The following PPP1R9A variants were observed in gnomAD, a reference collection of about 807,000 sequenced individuals.
PPP1R9A encodes neurabin-1.
A neutral mutation model predicts 141.9 loss-of-function variants in PPP1R9A; 59 were observed. That is an observed-to-expected ratio of 0.42 (90% CI 0.34 to 0.52). The LOEUF is 0.52. Among genes scored for constraint, PPP1R9A ranks in the 20% least tolerant of loss-of-function variants. The probability of loss-of-function intolerance (pLI) is 0.10; values close to 1 mark genes in which losing one functional copy is unlikely to be tolerated. For synonymous variants in PPP1R9A, 500 were observed against 569.7 expected (o/e 0.88, Z 1.74); for missense variants, 1,444 against 1,611.9 (o/e 0.90, Z 1.78).
intron 2 of PPP1R9A, among the ~76,000 whole-genome samples, chr7:95,054,711 TG>T (rs1178874536): frequency 2.6e-5 from 4 of 152,176 alleles, no homozygotes; most frequent in African/African-American, 9.6e-5. Context: ...CTTTCTTGAC[TG>T]GTCTAGGTTT....
chr7:94,993,430 A>G (rs1801767143), intron 2 of PPP1R9A, among the ~76,000 whole-genome samples: 1 of 152,176 alleles, frequency 6.6e-6, no homozygotes, highest in Non-Finnish European at 1.5e-5. Flanking sequence ...CAATTTATAC[A>G]AAAGAGCCTG....
chr7:94,944,096 G>C (rs1795625614), intron 2 of PPP1R9A, among the ~76,000 whole-genome samples: 1 of 152,058 alleles, frequency 6.6e-6, no homozygotes, highest in African/African-American at 2.4e-5. Flanking sequence ...AATCCCTAGT[G>C]ATCAAATCAG....
intron 2 of PPP1R9A, among the ~76,000 whole-genome samples, chr7:94,999,995 G>A (rs1802692450): frequency 6.6e-6 from 1 of 151,862 alleles, no homozygotes; most frequent in South Asian, 2.1e-4. Flanking sequence ...TAGAGATAGG[G>A]TTTCACCATG....
Position 95,068,730 on chromosome 7 carries a change from G to A in PPP1R9A, c.1396-42529G>A, listed in dbSNP as rs901207477. Among the ~76,000 whole-genome samples, 13 of 152,144 alleles carry A rather than the reference G, an allele frequency of 8.5e-5. No individual in the cohort carries two copies. The East Asian group carries it at 2.3e-3, about 27-fold the overall frequency. The stretch of plus-strand genomic sequence containing the variant: ...CTCAGCATCCCTGTGGTGGATAGTG[G>A]GCTGTAGGACCAAGGAAGGCTAGAA... On this transcript the variant is annotated intron_variant, in intron 2 of 19. Transcript: ENST00000433360.
intron 2 of PPP1R9A, among the ~76,000 whole-genome samples, chr7:94,939,752 T>A (rs1795128988): frequency 6.6e-6 from 1 of 151,200 alleles, no homozygotes; most frequent in Admixed American, 6.6e-5. Context: ...TATAATGTTA[T>A]GACAGGGACA....
intron 2 of PPP1R9A, among the ~76,000 whole-genome samples, chr7:95,081,531 A>G (rs946549031): frequency 6.6e-6 from 1 of 152,190 alleles, no homozygotes; most frequent in Non-Finnish European, 1.5e-5. Flanking sequence ...GACAGTGAAC[A>G]AATGAAGGTA....
At position 95,290,433 on chromosome 7, in the gene PPP1R9A, CTG is replaced by C. The variant is rs1806202396; in HGVS notation, c.*136_*137del. On this transcript the variant is annotated 3_prime_UTR_variant, in exon 20 of 20. Coordinates refer to ENST00000433360, the MANE Select transcript of PPP1R9A (RefSeq NM_001166160.2). ...ATGCGGCTCTAGGCCGGCTGAGGAA[CTG>C]TGTGTTGAATAACTGCATTTTCTGC... 9.5e-7 allele frequency: 1 copy of C among 1,056,638 alleles called. No homozygotes were observed. Among genetic ancestry groups the C allele is most frequent in the Non-Finnish European group, 1.3e-6 (1 of 747,550 alleles). The allele number at this position is 1,056,638 out of a possible 1,614,324, so 65.5% of individuals were successfully genotyped here. A position where few individuals can be genotyped will look rare whatever the true frequency, so the allele number is the denominator to read the frequency against.
chr7:94,960,403 T>C (rs2151115821), intron 2 of PPP1R9A, among the ~76,000 whole-genome samples: 1 of 151,694 alleles, frequency 6.6e-6, no homozygotes, highest in East Asian at 1.9e-4. Context: ...AAATAAGAGT[T>C]CTCTTAAAAA....
At chr7:95,151,577 C>T (rs1828681702) in intron 4 of PPP1R9A, among the ~76,000 whole-genome samples, 2 of 151,882 alleles carry the variant, frequency 1.3e-5, no homozygotes, top group Admixed American at 6.6e-5. Context: ...TGTCAAAACC[C>T]GTAGAATGTG....
intron 5 of PPP1R9A, among the ~76,000 whole-genome samples, chr7:95,167,888 A>G (rs897070595): frequency 2.6e-5 from 4 of 152,154 alleles, no homozygotes; most frequent in Non-Finnish European, 5.9e-5. Flanking sequence ...ACTGATGAAA[A>G]AAATTGAAGA....
chr7:94,917,581 T>A (rs1282481034), intron 2 of PPP1R9A, among the ~76,000 whole-genome samples: 1 of 151,456 alleles, frequency 6.6e-6, no homozygotes, highest in Non-Finnish European at 1.5e-5. Flanking sequence ...ATTATTTTTT[T>A]TTTTTTTGTA....
At chr7:94,969,050 T>C (rs542880207) in intron 2 of PPP1R9A, among the ~76,000 whole-genome samples, 1 of 152,240 alleles carries the variant, frequency 6.6e-6, no homozygotes, top group East Asian at 1.9e-4. Context: ...TCTAACCTTT[T>C]TTCAAAGTTC....
At chr7:95,168,682 G>A (rs1831645557) in intron 5 of PPP1R9A, among the ~76,000 whole-genome samples, 1 of 151,838 alleles carries the variant, frequency 6.6e-6, no homozygotes, top group South Asian at 2.1e-4. Context: ...GGAACTCAAA[G>A]CAACAGTAAA....
intron 2 of PPP1R9A, among the ~76,000 whole-genome samples, chr7:95,109,928 AG>A (rs937470367): frequency 1.3e-5 from 2 of 152,116 alleles, no homozygotes; most frequent in Admixed American, 6.5e-5. Flanking sequence ...GATAAATAAA[AG>A]CACTAACCCT....
intron 2 of PPP1R9A, among the ~76,000 whole-genome samples, chr7:94,913,142 T>A (rs1216660111): frequency 6.6e-6 from 1 of 152,192 alleles, no homozygotes; most frequent in African/African-American, 2.4e-5. Context: ...TAGCAGCTTA[T>A]GAAAATTTAT....
chr7:95,151,941 C>CTTTTTTTTTTTTTTTTTTTTTTTTTTT lies in PPP1R9A; in HGVS notation c.1650-9923_1650-9897dup, dbSNP rs1167382285. Among the ~76,000 whole-genome samples the CTTTTTTTTTTTTTTTTTTTTTTTTTTT allele has an allele frequency of 7.3e-5, 4 of 54,448 alleles. 1 individual carries two copies. The highest frequency in any genetic ancestry group is 2.3e-4 in the African/African-American group (3 of 13,064). The allele number at this position is 54,448 out of a possible 152,430, so 35.7% of individuals were successfully genotyped here. A position where few individuals can be genotyped will look rare whatever the true frequency, so the allele number is the denominator to read the frequency against. ...AATGTCAGCACATAGTACTGAGAAT[C>CTTTTTTTTTTTTTTTTTTTTTTTTTTT]TTTTTTTTTTTTTTTTTTTTTTTTT... is the stretch of plus-strand genomic sequence containing the variant. On this transcript the variant is annotated intron_variant, in intron 4 of 19. Coordinates refer to ENST00000433360, the MANE Select transcript of PPP1R9A (RefSeq NM_001166160.2).
rs775737709 is a variant in PPP1R9A at position 95,054,885 on chromosome 7, CT to C, written c.1396-56372del. Among the ~76,000 whole-genome samples, 536 of 151,390 alleles carry C rather than the reference CT, an allele frequency of 3.5e-3. 4 individuals are homozygous for C. Among genetic ancestry groups the C allele is most frequent in the Non-Finnish European group, 4.1e-3 (280 of 67,738 alleles). On this transcript the variant is annotated intron_variant, in intron 2 of 19. Coordinates refer to ENST00000433360, the MANE Select transcript of PPP1R9A (RefSeq NM_001166160.2). ...CTCATTCATTACCCTACTTCCAGTGCTTAGCACAGGGCCTATTTGTAATGTT... is the reference window on the plus strand; with the variant it reads ...CTCATTCATTACCCTACTTCCAGTGCTAGCACAGGGCCTATTTGTAATGTT...
In PPP1R9A at chr7:94,910,559, G is replaced by C. The variant is rs1438232029; in HGVS notation, c.446G>C (p.Ser149Thr). The C allele has an allele frequency of 1.2e-6, 2 of 1,614,210 alleles. No individual in the cohort carries two copies. The highest frequency in any genetic ancestry group is 2.2e-5 in the East Asian group (1 of 44,872). Reference protein sequence around the residue: ...FTETRKMFERSVHESGQNNRY... With the variant: ...FTETRKMFERTVHESGQNNRY... ...GAGACTCGAAAGATGTTTGAGAGAA[G>C]TGTGCATGAATCAGGACAGAACAAC... Residue 149 changes from serine to threonine, a missense_variant, in exon 2 of 20, where the codon AGT (serine) becomes ACT (threonine). Ser to Thr is a moderately conservative substitution (Grantham distance 58). Coordinates refer to ENST00000433360, the MANE Select transcript of PPP1R9A (RefSeq NM_001166160.2). This position sits in a 1 kb window ranked among gnomAD's most constrained non-coding sequence, Gnocchi z 4.5.
At chr7:95,205,746 G>A (rs1387411543) in intron 7 of PPP1R9A, among the ~76,000 whole-genome samples, 1 of 152,126 alleles carries the variant, frequency 6.6e-6, no homozygotes, top group African/African-American at 2.4e-5. Flanking sequence ...AAGCATTGCT[G>A]GGCTAGTGGT....
Sources: allele counts gnomAD v4.1 joint callset (sites outside exome capture counted in the v4.1 genomes callset), GRCh38; gene constraint gnomAD v4.1.1; non-coding constraint Gnocchi (gnomAD v3.1); transcripts MANE v1.5; gene names NCBI Gene and HGNC (gene_info 2026-07-23, HGNC 2026-07-21).